The following STXBP5L variants were observed in gnomAD, a reference collection of about 807,000 sequenced individuals.
STXBP5L encodes the protein syntaxin-binding protein 5-like.
Under a neutral mutation model 144.5 loss-of-function variants are expected in STXBP5L, and 65 were observed. That is an observed-to-expected ratio of 0.45 (90% CI 0.37 to 0.55). STXBP5L has a LOEUF of 0.55. STXBP5L is among the 20% of genes least tolerant of loss of function. STXBP5L has a pLI of 0.00. For synonymous variants in STXBP5L, 505 were observed against 469.6 expected (o/e 1.08, Z -0.97); for missense variants, 1,298 against 1,405.5 (o/e 0.92, Z 1.22).
chr3:120,974,975 G>T (rs940889256), intron 3 of STXBP5L, among the ~76,000 whole-genome samples: 6 of 152,112 alleles, frequency 3.9e-5, no homozygotes, highest in African/African-American at 9.7e-5. Flanking sequence ...GTCGGGTAGC[G>T]TGATGCCTCC....
chr3:121,331,637 T>A (rs968720254), intron 20 of STXBP5L, among the ~76,000 whole-genome samples: 2 of 152,164 alleles, frequency 1.3e-5, no homozygotes, highest in Non-Finnish European at 2.9e-5. Flanking sequence ...AAGACCACAG[T>A]GCATTTCACT....
At chr3:121,092,796 T>A (rs1309222213) in intron 5 of STXBP5L, among the ~76,000 whole-genome samples, 21 of 152,198 alleles carry the variant, frequency 1.4e-4, no homozygotes, top group South Asian at 2.1e-4. Context: ...TGGCCAGAAC[T>A]TCCAACACCA....
At chr3:120,933,363 T>C (rs1183948219) in intron 2 of STXBP5L, among the ~76,000 whole-genome samples, 1 of 152,136 alleles carries the variant, frequency 6.6e-6, no homozygotes, top group Admixed American at 6.6e-5. Flanking sequence ...GAAGCTAAAT[T>C]ATCTGGCCAA....
chr3:121,142,657 G>A (rs1358361897), intron 7 of STXBP5L, among the ~76,000 whole-genome samples: 1 of 151,800 alleles, frequency 6.6e-6, no homozygotes, highest in Non-Finnish European at 1.5e-5. Flanking sequence ...AACAACCATT[G>A]CCTCAATAAG....
At chr3:121,370,870 C>A (rs547020989) in intron 20 of STXBP5L, among the ~76,000 whole-genome samples, 12 of 152,330 alleles carry the variant, frequency 7.9e-5, no homozygotes, top group Admixed American at 3.3e-4. Flanking sequence ...CAGTTACATT[C>A]TTTCCTGCAC....
chr3:121,381,203 C>T (rs2046314148), intron 21 of STXBP5L, 90 bp from the exon 22 acceptor site: 1 of 1,296,190 alleles, frequency 7.7e-7, no homozygotes, highest in Non-Finnish European at 1.0e-6. Flanking sequence ...TTACTTCCTC[C>T]TCATAATTTT....
At chr3:121,109,832 T>A (rs1191684649) in intron 5 of STXBP5L, among the ~76,000 whole-genome samples, 1 of 152,150 alleles carries the variant, frequency 6.6e-6, no homozygotes. Context: ...CCTATTATTA[T>A]TGTGGGAGTC....
chr3:121,333,636 T>C (rs1041018900), intron 20 of STXBP5L, among the ~76,000 whole-genome samples: 1 of 146,904 alleles, frequency 6.8e-6, no homozygotes, highest in Non-Finnish European at 1.5e-5. Context: ...CTAACTAGGG[T>C]AATAAAGAGT....
chr3:120,999,964 C>T (rs529143064), intron 3 of STXBP5L, among the ~76,000 whole-genome samples: 2 of 152,256 alleles, frequency 1.3e-5, no homozygotes, highest in African/African-American at 4.8e-5. Flanking sequence ...TACAGGGTTT[C>T]TGCTGAAAGT....
chr3:121,104,095 A>T (rs538396728), intron 5 of STXBP5L, among the ~76,000 whole-genome samples: 5 of 152,298 alleles, frequency 3.3e-5, no homozygotes, highest in African/African-American at 1.2e-4. Flanking sequence ...AATCTTCTAT[A>T]TGTCAATCAT....
chr3:121,336,118 C>G (rs1290412898), intron 20 of STXBP5L, among the ~76,000 whole-genome samples: 1 of 152,108 alleles, frequency 6.6e-6, no homozygotes, highest in Non-Finnish European at 1.5e-5. Context: ...TGAATAGACA[C>G]TTTTCAAAAG....
intron 9 of STXBP5L, among the ~76,000 whole-genome samples, chr3:121,198,345 G>A (rs1385531802): frequency 6.6e-6 from 1 of 150,920 alleles, no homozygotes; most frequent in Non-Finnish European, 1.5e-5. Flanking sequence ...TTTTTTTCTT[G>A]TAAATTTGTT....
chr3:120,937,424 TAAAC>T (rs1297395888), intron 2 of STXBP5L, among the ~76,000 whole-genome samples: 2 of 152,170 alleles, frequency 1.3e-5, no homozygotes, highest in African/African-American at 4.8e-5. Flanking sequence ...TTGTTCACAT[TAAAC>T]CTCCAGCAAT....
At chr3:121,016,556 A>G (rs1345355294) in intron 3 of STXBP5L, among the ~76,000 whole-genome samples, 1 of 152,214 alleles carries the variant, frequency 6.6e-6, no homozygotes, top group Non-Finnish European at 1.5e-5. Flanking sequence ...TCAAATGGAA[A>G]TGTAAAGAAG....
intron 5 of STXBP5L, among the ~76,000 whole-genome samples, chr3:121,080,375 T>C (rs2042199808): frequency 6.6e-6 from 1 of 152,172 alleles, no homozygotes; most frequent in African/African-American, 2.4e-5. Flanking sequence ...GTTAGTTGCC[T>C]AAATACTTTG....
intron 5 of STXBP5L, among the ~76,000 whole-genome samples, chr3:121,073,693 C>T (rs756222011): frequency 1.3e-5 from 2 of 152,186 alleles, no homozygotes; most frequent in Non-Finnish European, 2.9e-5. Context: ...CTTTTTCCCA[C>T]AGGAGGGATT....
chr3:121,032,748 A>C (rs1448987756), intron 3 of STXBP5L, among the ~76,000 whole-genome samples: 1 of 80,244 alleles, frequency 1.2e-5, no homozygotes, highest in East Asian at 3.0e-4. Context: ...AACCCCATCA[A>C]AAAGTGGGCG....
intron 1 of STXBP5L, chr3:120,909,137 G>C (rs1708693877): frequency 1.3e-5 from 2 of 154,256 alleles, no homozygotes; most frequent in Non-Finnish European, 2.9e-5. Flanking sequence ...AAAATACTCT[G>C]AGCCGAACGT....
intron 9 of STXBP5L, among the ~76,000 whole-genome samples, chr3:121,178,934 G>A (rs1280113788): frequency 6.6e-6 from 1 of 152,028 alleles, no homozygotes; most frequent in Non-Finnish European, 1.5e-5. Flanking sequence ...AATTTATAGT[G>A]GGAATAAACC....
Sources: gnomAD v4.1 joint callset for allele counts (sites outside exome capture counted in the v4.1 genomes callset) on GRCh38, gnomAD v4.1.1 for gene constraint, MANE v1.5 for transcripts, NCBI Gene and HGNC (gene_info 2026-07-23, HGNC 2026-07-21) for gene names.